Variants in SCLT1 observed in about 807,000 individuals in gnomAD.
The protein encoded by SCLT1 is sodium channel-associated protein 1.
Under a neutral mutation model 112.8 loss-of-function variants are expected in SCLT1, and 78 were observed. That is an observed-to-expected ratio of 0.69 (90% CI 0.58 to 0.83). SCLT1 has a LOEUF of 0.83. Ranked by LOEUF, SCLT1 falls within the 40% of genes least tolerant of loss-of-function variation. SCLT1 has a pLI of 0.00. For missense variants in SCLT1, 747 were observed against 770.4 expected, an observed-to-expected ratio of 0.97 and a Z score of 0.36; for synonymous variants, 257 against 254.7, an observed-to-expected ratio of 1.01 and a Z score of -0.09.
chr4:129,035,673 C>A (rs996201427), intron 5 of SCLT1, among the ~76,000 whole-genome samples: 1 of 152,046 alleles, frequency 6.6e-6, no homozygotes, highest in Non-Finnish European at 1.5e-5. Flanking sequence ...TGTATTCATT[C>A]ATTTATTCAA....
At chr4:128,882,428 T>A (rs1374066960), downstream of SCLT1, among the ~76,000 whole-genome samples, 2 of 152,212 alleles carry the variant, frequency 1.3e-5, no homozygotes, top group African/African-American at 4.8e-5. Flanking sequence ...TCCTTGAGTG[T>A]TTTATCATGT....
At chr4:128,967,405 G>A (rs1372382826) in intron 10 of SCLT1, among the ~76,000 whole-genome samples, 1 of 152,172 alleles carries the variant, frequency 6.6e-6, no homozygotes, top group African/African-American at 2.4e-5. Context: ...TGGCACTTCT[G>A]TTTTGAGTTC....
At chr4:129,084,854 A>C (rs2125779589) in intron 1 of SCLT1, among the ~76,000 whole-genome samples, 1 of 152,290 alleles carries the variant, frequency 6.6e-6, no homozygotes, top group South Asian at 2.1e-4. Flanking sequence ...TTGCTTACAC[A>C]ATATATAAAT....
In SCLT1 at chr4:129,093,423, A is replaced by C. The variant is rs1188154541; in HGVS notation, c.-320T>G. On this transcript the variant is annotated 5_prime_UTR_variant, in exon 1 of 21. Coordinates refer to ENST00000281142, the MANE Select transcript of SCLT1 (RefSeq NM_144643.4). ...CACTCTGGGTCTCGTCGGGCCACCT[A>C]GGAGAGTGCCGCGGGAGCTTGACGG... The C allele has an allele frequency of 3.8e-5, 13 of 339,168 alleles. No individual in the cohort carries two copies. The highest frequency in any genetic ancestry group is 3.2e-4 in the South Asian group (5 of 15,626). 21.0% of individuals were successfully genotyped at this position (339,168 alleles called of 1,614,324 possible).
At chr4:128,984,264 T>C (rs1272767378) in intron 9 of SCLT1, among the ~76,000 whole-genome samples, 1 of 152,190 alleles carries the variant, frequency 6.6e-6, no homozygotes, top group Non-Finnish European at 1.5e-5. Flanking sequence ...TCATACTTTT[T>C]TCCCCTGCAA....
At chr4:129,002,469 A>T (rs1039683750) in intron 6 of SCLT1, among the ~76,000 whole-genome samples, 1 of 152,220 alleles carries the variant, frequency 6.6e-6, no homozygotes, top group Non-Finnish European at 1.5e-5. Context: ...ATATTCTGAA[A>T]ACAATATCAG....
At chr4:128,937,277 CA>C (rs33922032) in intron 17 of SCLT1, among the ~76,000 whole-genome samples, 105,633 of 113,404 alleles carry the variant, frequency 0.93, 48,979 homozygotes, top group South Asian at 0.97. Flanking sequence ...GACTCTGTCT[CA>C]AAAAAAAAAA....
intron 9 of SCLT1, among the ~76,000 whole-genome samples, chr4:128,981,920 T>A (rs1038660701): frequency 1.3e-5 from 2 of 152,208 alleles, no homozygotes; most frequent in East Asian, 3.9e-4. Flanking sequence ...GAGAGTGACA[T>A]GATCGGACAT....
At chr4:128,927,392 T>C (rs1736381026) in intron 18 of SCLT1, among the ~76,000 whole-genome samples, 1 of 151,928 alleles carries the variant, frequency 6.6e-6, no homozygotes, top group South Asian at 2.1e-4. Context: ...CTGGGCAACA[T>C]AATGAAACCG....
chr4:128,953,622 G>GT (rs751611483), intron 13 of SCLT1, among the ~76,000 whole-genome samples: 3 of 151,236 alleles, frequency 2.0e-5, no homozygotes, highest in Admixed American at 6.6e-5. Context: ...GTGAAACTCC[G>GT]TCTCTATAAA....
rs563243215 is a variant in SCLT1, at chr4:129,018,413, T to C, written c.291-14537A>G. 3.3e-5 allele frequency among the ~76,000 whole-genome samples: 5 copies of C among 152,340 alleles called. No individual in the cohort carries two copies. The East Asian group carries it at 7.7e-4, about 23-fold the overall frequency. On this transcript the variant is annotated intron_variant, in intron 5 of 20. Coordinates refer to ENST00000281142, the MANE Select transcript of SCLT1 (RefSeq NM_144643.4). ...TAAAAGTATAAAGAGTTAGTTTTTC[T>C]GTAACACCTAAACTGAATGTGAAAG...
chr4:129,006,139 A>T (rs1743993515), intron 5 of SCLT1, among the ~76,000 whole-genome samples: 1 of 151,706 alleles, frequency 6.6e-6, no homozygotes, highest in East Asian at 1.9e-4. Context: ...CACATTGTGC[A>T]CATGTACCCT....
In SCLT1 at chr4:128,891,041, G is replaced by C; in HGVS notation, c.1908+18C>G. 6.3e-7 allele frequency: 1 copy of C among 1,581,564 alleles called. No individual in the cohort carries two copies. The highest frequency in any genetic ancestry group is 8.7e-7 in the Non-Finnish European group (1 of 1,150,852). On this transcript the variant is annotated intron_variant, in intron 19 of 20. Transcript: ENST00000281142. ...ATGCTGCAGCAGAAAGCACTTCCCA[G>C]GGGAGTCATTATCTCACCTCAGCTA...
chr4:129,015,714 G>C (rs1256185304), intron 5 of SCLT1, among the ~76,000 whole-genome samples: 1 of 152,110 alleles, frequency 6.6e-6, no homozygotes, highest in Non-Finnish European at 1.5e-5. Flanking sequence ...CTCTCCTCCT[G>C]CTAGGGTTCC....
intron 18 of SCLT1, among the ~76,000 whole-genome samples, chr4:128,901,595 A>G (rs1386157705): frequency 6.6e-6 from 1 of 151,904 alleles, no homozygotes; most frequent in Non-Finnish European, 1.5e-5. Flanking sequence ...TGGGTGCAGC[A>G]CACCAACATG....
intron 2 of SCLT1, among the ~76,000 whole-genome samples, chr4:129,044,654 A>G (rs571562732): frequency 6.6e-6 from 1 of 152,102 alleles, no homozygotes; most frequent in African/African-American, 2.4e-5. Context: ...GTACTATAAC[A>G]TTAATGTATG....
At chr4:129,066,598 CATT>C (rs1355285708) in intron 2 of SCLT1, among the ~76,000 whole-genome samples, 1 of 151,936 alleles carries the variant, frequency 6.6e-6, no homozygotes, top group African/African-American at 2.4e-5. Flanking sequence ...TGTACTGAAA[CATT>C]ATCGCAAAAT....
intron 5 of SCLT1, among the ~76,000 whole-genome samples, chr4:129,033,542 A>T (rs998782020): frequency 1.3e-5 from 2 of 150,482 alleles, no homozygotes; most frequent in African/African-American, 4.9e-5. Flanking sequence ...TCAAATAGTA[A>T]TAAGGTACTA....
rs1752400196 is a variant in SCLT1 at position 129,086,363 on chromosome 4, A to AATTTACTAAT, written c.35-4000_35-3991dup. ...CACACACACATTCATTGTTAGTTTCAATTTACTAATATTTTATTTTGGATT... is the reference window on the plus strand; with the variant it reads ...CACACACACATTCATTGTTAGTTTCAATTTACTAATATTTACTAATATTTTATTTTGGATT... On this transcript the variant is annotated intron_variant, in intron 1 of 20. Transcript: ENST00000281142. 2.6e-5 allele frequency among the ~76,000 whole-genome samples: 4 copies of AATTTACTAAT among 151,786 alleles called. No homozygotes were observed. In the South Asian group the frequency reaches 8.3e-4, roughly 31 times the overall value.
Sources: allele counts gnomAD v4.1 joint callset (sites outside exome capture counted in the v4.1 genomes callset), GRCh38; gene constraint gnomAD v4.1.1; transcripts MANE v1.5; gene names NCBI Gene and HGNC (gene_info 2026-07-23, HGNC 2026-07-21).